BCL2A1: variants seen among roughly 807,000 people sequenced by gnomAD.
BCL2A1 encodes the protein BCL2 related protein A1.
BCL2A1 carries 10 observed loss-of-function variants against 14.4 expected under a neutral mutation model. The ratio of observed to expected loss-of-function variants is 0.69; its 90% CI spans 0.43 to 1.18. BCL2A1 has a LOEUF of 1.18. Ranked by LOEUF, BCL2A1 falls within the 50% of genes most tolerant of loss-of-function variation. The pLI is 0.00. For synonymous variants in BCL2A1, 71 were observed against 76.5 expected (o/e 0.93, Z 0.38); for missense variants, 158 against 205.0 (o/e 0.77, Z 1.40).
At position 79,960,953 on chromosome 15, in the gene BCL2A1, G is replaced by C; in HGVS notation, c.*114C>G. ...GACAAAATTTCCATAACTCTGGAAG[G>C]TCAAGTTACATCATCAAAGTTGTTT... On this transcript the variant is annotated 3_prime_UTR_variant, in exon 2 of 2. Coordinates refer to ENST00000267953, the MANE Select transcript of BCL2A1 (RefSeq NM_004049.4). 1 of 1,516,974 alleles carries C rather than the reference G, an allele frequency of 6.6e-7. No homozygotes were observed. 94.0% of individuals were successfully genotyped at this position (1,516,974 alleles called of 1,614,324 possible).
At chr15:79,969,781 G>A (rs975271600) in intron 1 of BCL2A1, among the ~76,000 whole-genome samples, 2 of 152,102 alleles carry the variant, frequency 1.3e-5, no homozygotes, top group Non-Finnish European at 2.9e-5. Context: ...AAGAAGTATT[G>A]TTTATTTTCT....
intron 1 of BCL2A1, among the ~76,000 whole-genome samples, chr15:79,963,625 CT>C (rs1596125423): frequency 1.3e-5 from 2 of 152,034 alleles, no homozygotes; most frequent in East Asian, 3.9e-4. Context: ...TGATATAATA[CT>C]TTTGGAAAGA....
chr15:79,970,150 T>C (rs1485768759), intron 1 of BCL2A1, among the ~76,000 whole-genome samples: 1 of 152,130 alleles, frequency 6.6e-6, no homozygotes, highest in Non-Finnish European at 1.5e-5. Flanking sequence ...TAATGTGTTA[T>C]ATATTATATG....
At chr15:79,965,546 G>A (rs993154702) in intron 1 of BCL2A1, among the ~76,000 whole-genome samples, 11 of 152,190 alleles carry the variant, frequency 7.2e-5, no homozygotes, top group African/African-American at 2.4e-4. Context: ...AGAGGAAGGC[G>A]GCCTAGATGC....
At chr15:79,963,039 T>A (rs2141703750) in intron 1 of BCL2A1, among the ~76,000 whole-genome samples, 1 of 152,252 alleles carries the variant, frequency 6.6e-6, no homozygotes, top group African/African-American at 2.4e-5. Flanking sequence ...TGGAGTGCAA[T>A]GGCGCGATCT....
Position 79,967,778 on chromosome 15 carries a change from C to A in BCL2A1, c.420+2922G>T. 3.5e-6 allele frequency: 3 copies of A among 866,712 alleles called. No homozygotes were observed. In the South Asian group the frequency reaches 4.4e-5, roughly 13 times the overall value. The allele number at this position is 866,712 out of a possible 1,614,324, so 53.7% of individuals were successfully genotyped here. On this transcript the variant is annotated intron_variant, in intron 1 of 1. Transcript: ENST00000267953. ...GAAAAGATGATAACAGTTTTCCATG[C>A]CAGTTTGCACTGACTCAAAAAAGCA...
In BCL2A1 at chr15:79,971,109, C is replaced by T; in HGVS notation, c.11G>A (p.Cys4Tyr). ...CAGCCTGTAAATATATCCAAATTCA[C>T]AGTCTGTCATCTTCTGCCTGGTGGA... MTD[C>Y]EFGYIYRLAQ... The change falls in exon 1 of 2, where the codon TGT becomes TAT. Residue 4 changes from cysteine (C) to tyrosine (Y), a missense_variant. Physicochemically the swap from Cys to Tyr is radical, Grantham distance 194. Transcript: ENST00000267953. 6.2e-7 allele frequency: 1 copy of T among 1,613,100 alleles called. No individual in the cohort carries two copies. The highest frequency in any genetic ancestry group is 1.1e-5 in the South Asian group (1 of 91,052).
At chr15:79,968,408 A>C (rs1232099908) in intron 1 of BCL2A1, among the ~76,000 whole-genome samples, 2 of 152,194 alleles carry the variant, frequency 1.3e-5, no homozygotes, top group Non-Finnish European at 2.9e-5. Context: ...ATTTCACATG[A>C]TTCGCCCAGC....
At chr15:79,967,640 T>C (rs747478993) in intron 1 of BCL2A1, 1 of 1,597,404 alleles carries the variant, frequency 6.3e-7, no homozygotes, top group South Asian at 1.1e-5. Flanking sequence ...CTCTTACCTC[T>C]TCTTGTGGGC....
chr15:79,967,513 G>A, intron 1 of BCL2A1: 2 of 1,090,532 alleles, frequency 1.8e-6, no homozygotes, highest in Non-Finnish European at 2.6e-6. Context: ...ACTGCACCCG[G>A]CACATACCGC....
At position 79,960,998 on chromosome 15, in the gene BCL2A1, T is replaced by C; in HGVS notation, c.*69A>G. 2 of 1,596,878 alleles carry C rather than the reference T, an allele frequency of 1.3e-6. No individual in the cohort carries two copies. The highest frequency in any genetic ancestry group is 8.6e-7 in the Non-Finnish European group (1 of 1,167,076). On this transcript the variant is annotated 3_prime_UTR_variant, in exon 2 of 2. Coordinates refer to ENST00000267953, the MANE Select transcript of BCL2A1 (RefSeq NM_004049.4). ...TTGTTTATTTAAAAGTAGAAGTATG[T>C]GTTGGCAATCGTTTCCATATCAGTC...
At position 79,965,415 on chromosome 15, in the gene BCL2A1, A is replaced by C. The variant is rs145254229; in HGVS notation, c.421-4241T>G. 0.015 allele frequency among the ~76,000 whole-genome samples: 2,258 copies of C among 152,254 alleles called. 159 individuals are homozygous for C. The East Asian group carries it at 0.23, about 15-fold the overall frequency. The stretch of plus-strand genomic sequence containing the variant: ...GTGCTGGGAATACAGACTTGAGCCA[A>C]TGCGCCCGGCCCCTCAAGTTTTAAA... On this transcript the variant is annotated intron_variant, in intron 1 of 1. Coordinates refer to ENST00000267953, the MANE Select transcript of BCL2A1 (RefSeq NM_004049.4).
In BCL2A1 at chr15:79,971,052, A is replaced by G; in HGVS notation, c.68T>C (p.Ile23Thr). 1.9e-6 allele frequency: 3 copies of G among 1,614,176 alleles called. No homozygotes were observed. The highest frequency in any genetic ancestry group is 1.1e-5 in the South Asian group (1 of 91,080). ...AQDYLQCVLQ[I>T]PQPGSGPSKT... Reference sequence around the variant, plus strand: ...GCTTGGACCTGATCCAGGTTGTGGTATCTGTAGGACGCACTGCAGATAGTC... The same window carrying G: ...GCTTGGACCTGATCCAGGTTGTGGTGTCTGTAGGACGCACTGCAGATAGTC... Residue 23 changes from isoleucine (I) to threonine (T), a missense_variant, in exon 1 of 2, where the codon ATA becomes ACA. Physicochemically the swap from Ile to Thr is moderately conservative, Grantham distance 89 (BLOSUM62 -1). Transcript: ENST00000267953.
chr15:79,961,086 A>G lies in BCL2A1; in HGVS notation c.509T>C (p.Leu170Pro). Residue 170 changes from leucine to proline, a missense_variant, in exon 2 of 2, where the codon CTC (leucine) becomes CCC (proline). By Grantham distance (98) the Leu-to-Pro change is moderately conservative. Coordinates refer to ENST00000267953, the MANE Select transcript of BCL2A1 (RefSeq NM_004049.4). ...VTGKICEMLS[L>P]LKQYC ...TTCTGGTCAACAGTATTGCTTCAGG[A>G]GAGATAGCATTTCACAGATCTTTCC... The G allele has an allele frequency of 6.2e-7, 1 of 1,614,112 alleles. No individual in the cohort carries two copies. Among genetic ancestry groups the G allele is most frequent in the Non-Finnish European group, 8.5e-7 (1 of 1,179,984 alleles).
chr15:79,963,375 A>T (rs1567023094), intron 1 of BCL2A1, among the ~76,000 whole-genome samples: 1 of 152,236 alleles, frequency 6.6e-6, no homozygotes, highest in Non-Finnish European at 1.5e-5. Flanking sequence ...AGTTCATTCA[A>T]ATGTAACAGA....
At position 79,970,775 on chromosome 15, in the gene BCL2A1, A is replaced by G. The variant is rs2035585595; in HGVS notation, c.345T>C (p.Tyr115=). 7 of 1,614,094 alleles carry G rather than the reference A, an allele frequency of 4.3e-6. No individual in the cohort carries two copies. The highest frequency in any genetic ancestry group is 5.1e-6 in the Non-Finnish European group (6 of 1,180,036). Residue 115 remains tyrosine (Y), a synonymous_variant, in exon 1 of 2, where the codon TAT becomes TAC. Transcript: ENST00000267953. ...RQQIAPDVDT[Y]KEISYFVAEF... is the part of the protein sequence containing the mutation. The stretch of plus-strand genomic sequence containing the variant: ...CCGCAACAAAATATGAAATCTCCTT[A>G]TAGGTATCCACATCCGGGGCAATTT...
In BCL2A1 at chr15:79,960,894, G is replaced by C. The variant is rs1273601118; in HGVS notation, c.*173C>G. Reference sequence around the variant, plus strand: ...AGAAATTAAGACAAAATGGCATATAGAGAAAAATACATACAATTTATTCAT... The same window carrying C: ...AGAAATTAAGACAAAATGGCATATACAGAAAAATACATACAATTTATTCAT... On this transcript the variant is annotated 3_prime_UTR_variant, in exon 2 of 2. Coordinates refer to ENST00000267953, the MANE Select transcript of BCL2A1 (RefSeq NM_004049.4). The C allele has an allele frequency of 2.7e-6, 3 of 1,108,954 alleles. No individual in the cohort carries two copies. The African/African-American group carries it at 4.7e-5, about 18-fold the overall frequency. 68.7% of individuals were successfully genotyped at this position (1,108,954 alleles called of 1,614,324 possible).
intron 1 of BCL2A1, among the ~76,000 whole-genome samples, chr15:79,962,109 T>TC (rs1322811104): frequency 6.6e-6 from 1 of 152,210 alleles, no homozygotes; most frequent in Non-Finnish European, 1.5e-5. Flanking sequence ...ATTTACGTCT[T>TC]CACCTTACAG....
At chr15:79,969,576 T>C (rs921058041) in intron 1 of BCL2A1, among the ~76,000 whole-genome samples, 3 of 152,174 alleles carry the variant, frequency 2.0e-5, no homozygotes, top group Non-Finnish European at 2.9e-5. Context: ...AGTGGCAGCA[T>C]TAGTACCATG....
Sources: allele counts gnomAD v4.1 joint callset (sites outside exome capture counted in the v4.1 genomes callset), GRCh38; gene constraint gnomAD v4.1.1; transcripts MANE v1.5; gene names NCBI Gene and HGNC (gene_info 2026-07-23, HGNC 2026-07-21).